SMC2: variants seen among roughly 807,000 people sequenced by gnomAD.
SMC2 encodes structural maintenance of chromosomes 2, also known as structural maintenance of chromosomes protein 2.
In SMC2, 41 loss-of-function variants were observed where a neutral mutation model predicts 142.6. The ratio of observed to expected loss-of-function variants is 0.29; its 90% CI spans 0.22 to 0.37. The LOEUF (loss-of-function observed/expected upper bound fraction) is 0.37. Among genes scored for constraint, SMC2 ranks in the 10% least tolerant of loss-of-function variants. The pLI is 1.00. For synonymous variants in SMC2, 463 were observed against 457.5 expected, an observed-to-expected ratio of 1.01 and a Z score of -0.15; for missense variants, 1,265 against 1,373.7, an observed-to-expected ratio of 0.92 and a Z score of 1.25.
chr9:104,136,001 A>G (rs1306943550), intron 23 of SMC2: 1 of 502,838 alleles, frequency 2.0e-6, no homozygotes, highest in Non-Finnish European at 4.0e-6. Flanking sequence ...AGTTCAGGGA[A>G]GTTTCTCCTG....
rs768040662 is a variant in SMC2, at chr9:104,096,286, G to A, written c.307G>A (p.Val103Ile). The A allele has an allele frequency of 8.1e-6, 13 of 1,613,922 alleles. No individual in the cohort carries two copies. The highest frequency in any genetic ancestry group is 1.7e-5 in the Admixed American group (1 of 59,992). The change falls in exon 3 of 25, where the codon GTA (valine) becomes ATA (isoleucine). Residue 103 changes from valine to isoleucine, a missense_variant. By Grantham distance (29) the Val-to-Ile change is conservative. Coordinates refer to ENST00000374793, the MANE Select transcript of SMC2 (RefSeq NM_006444.3). ...LGFEVHDEIT[V>I]TRQVVIGGRN... ...ATTTGAGGTTCATGATGAAATCACA[G>A]TAACAAGGCAGGTGAGTGGCAATTA... is the stretch of plus-strand genomic sequence containing the variant.
chr9:104,112,261 A>AT, intron 10 of SMC2, among the ~76,000 whole-genome samples: 1 of 152,148 alleles, frequency 6.6e-6, no homozygotes, highest in East Asian at 1.9e-4. Flanking sequence ...CAAACTTTAC[A>AT]TTTTTTTAGG....
the SMC2 span, among the ~76,000 whole-genome samples, chr9:104,088,267 T>G: frequency 6.6e-6 from 1 of 152,172 alleles, no homozygotes; most frequent in Non-Finnish European, 1.5e-5. Context: ...TTTTTTTCTT[T>G]TTTAAACTAT....
At chr9:104,121,613 T>G (rs1833746853) in intron 16 of SMC2, among the ~76,000 whole-genome samples, 1 of 152,196 alleles carries the variant, frequency 6.6e-6, no homozygotes, top group Non-Finnish European at 1.5e-5. Flanking sequence ...CTGAATACAA[T>G]TTAAAAAATC....
chr9:104,112,026 A>G (rs1056238967), intron 10 of SMC2, among the ~76,000 whole-genome samples: 41 of 152,250 alleles, frequency 2.7e-4, no homozygotes, highest in African/African-American at 5.5e-4. Flanking sequence ...AAGATGCTGT[A>G]CTACATAAAT....
Position 104,096,307 on chromosome 9 carries a change from A to G in SMC2, c.318+10A>G. On this transcript the variant is annotated intron_variant, in intron 3 of 24. Transcript: ENST00000374793. ...CACAGTAACAAGGCAGGTGAGTGGC[A>G]ATTAAACCTTTGGGTATCTTAAGAC... 1 of 1,613,238 alleles carries G rather than the reference A, an allele frequency of 6.2e-7. No individual in the cohort carries two copies. The highest frequency in any genetic ancestry group is 1.1e-5 in the South Asian group (1 of 91,014).
intron 8 of SMC2, 28 bp from the exon 9 acceptor site, chr9:104,102,396 T>A (rs1191483364): frequency 1.3e-6 from 2 of 1,570,770 alleles, no homozygotes; most frequent in Non-Finnish European, 1.7e-6. Flanking sequence ...TTTACATAAG[T>A]GATTGAATTG....
At position 104,100,413 on chromosome 9, in the gene SMC2, A is replaced by G. The variant is rs1355581416; in HGVS notation, c.616A>G (p.Thr206Ala). ...KTILEEEITPTIQKLKEERSS... is the reference protein window; with the variant it reads ...KTILEEEITPAIQKLKEERSS... ...GATACTTGAAGAAGAGATTACTCCAACCATTCAAAAATTAAAAGAGGTATA... is the reference window on the plus strand; with the variant it reads ...GATACTTGAAGAAGAGATTACTCCAGCCATTCAAAAATTAAAAGAGGTATA... The change falls in exon 7 of 25, where the codon ACC becomes GCC. Residue 206 changes from threonine (T) to alanine (A), a missense_variant. This residue lies in a region of SMC2 where 898 missense variants were observed against 904.2 expected (regional missense o/e 0.99). Transcript: ENST00000374793. 6.6e-7 allele frequency: 1 copy of G among 1,522,760 alleles called. No individual in the cohort carries two copies. 94.3% of individuals were successfully genotyped at this position (1,522,760 alleles called of 1,614,324 possible).
intron 9 of SMC2, 22 bp downstream of exon 9, chr9:104,102,595 C>A: frequency 6.2e-7 from 1 of 1,606,724 alleles, no homozygotes; most frequent in Non-Finnish European, 8.5e-7. Flanking sequence ...TAATGTGCCA[C>A]TAGTGCCACT....
intron 3 of SMC2, among the ~76,000 whole-genome samples, chr9:104,097,273 GT>G (rs1460884563): frequency 1.3e-5 from 2 of 148,824 alleles, no homozygotes; most frequent in Admixed American, 6.6e-5. Flanking sequence ...ATTTTTTTTT[GT>G]TTTTTGTATT....
chr9:104,131,990 C>A lies in SMC2; in HGVS notation c.2992-19C>A. ...GAGATTTTATATTTTCCCAGTTAAC[C>A]ATGTTTTTTATCTCATAGTACAATG... On this transcript the variant is annotated intron_variant, in intron 21 of 24. Transcript: ENST00000374793. 1.7e-6 allele frequency: 2 copies of A among 1,195,408 alleles called. No individual in the cohort carries two copies. The highest frequency in any genetic ancestry group is 1.4e-5 in the South Asian group (1 of 73,838). The allele number at this position is 1,195,408 out of a possible 1,614,324, so 74.1% of individuals were successfully genotyped here.
chr9:104,105,004 G>A (rs753799282), intron 9 of SMC2, among the ~76,000 whole-genome samples: 1 of 152,210 alleles, frequency 6.6e-6, no homozygotes, highest in Non-Finnish European at 1.5e-5. Flanking sequence ...CTGTATTTGT[G>A]TCTCTGCGAT....
At chr9:104,127,802 AATG>A (rs1452840127) in intron 20 of SMC2, among the ~76,000 whole-genome samples, 1 of 152,212 alleles carries the variant, frequency 6.6e-6, no homozygotes, top group Non-Finnish European at 1.5e-5. Flanking sequence ...TGCTAGTAAT[AATG>A]ATATATATTC....
At position 104,132,031 on chromosome 9, in the gene SMC2, A is replaced by G. The variant is rs1293559509; in HGVS notation, c.3014A>G (p.Lys1005Arg). Residue 1005 changes from lysine to arginine, a missense_variant, in exon 22 of 25, where the codon AAG becomes AGG. Lys to Arg is a conservative substitution (Grantham distance 26). Around this residue, in one of 4 missense-constraint regions of SMC2, gnomAD observed 192 missense variants for 261.9 expected, o/e 0.73. Transcript: ENST00000374793. ...EERYNDLMKK[K>R]RIVENDKSKI... is the part of the protein sequence containing the mutation. ...TAGTACAATGACTTGATGAAGAAGA[A>G]GAGAATTGTAGAAAATGACAAATCC... The G allele has an allele frequency of 1.9e-6, 3 of 1,565,746 alleles. No homozygotes were observed. The highest frequency in any genetic ancestry group is 4.5e-5 in the East Asian group (2 of 44,196).
chr9:104,108,115 C>T (rs1012217034), intron 9 of SMC2, among the ~76,000 whole-genome samples: 1 of 152,178 alleles, frequency 6.6e-6, no homozygotes, highest in Admixed American at 6.5e-5. Context: ...CTACTCACAG[C>T]AGATAAGCAA....
intron 13 of SMC2, among the ~76,000 whole-genome samples, chr9:104,115,595 A>G (rs1251537888): frequency 6.6e-6 from 1 of 151,528 alleles, no homozygotes; most frequent in African/African-American, 2.4e-5. Context: ...AAAAAAAAAA[A>G]GAAAAAAACA....
chr9:104,125,212 CTAAAAGGGAGCAGTGTTCT>C (rs1834129838), intron 18 of SMC2, 107 bp downstream of exon 18: 2 of 790,474 alleles, frequency 2.5e-6, no homozygotes, highest in Non-Finnish European at 4.0e-6. Context: ...ATCTCAGAAT[CTAAAAGGGAGCAGTGTTCT>C]TTGGAAACAA....
At chr9:104,091,087 A>G (rs1195258885), upstream of SMC2, among the ~76,000 whole-genome samples, 1 of 152,212 alleles carries the variant, frequency 6.6e-6, no homozygotes, top group Non-Finnish European at 1.5e-5. Flanking sequence ...CAAGTTTGTC[A>G]AACAGGTTAT....
chr9:104,103,582 C>T (rs59125772), intron 9 of SMC2, among the ~76,000 whole-genome samples: 5,506 of 152,160 alleles, frequency 0.036, 324 homozygotes, highest in African/African-American at 0.13. Flanking sequence ...GTCGCCTTCG[C>T]GAGAACTAGG....
Sources: allele counts gnomAD v4.1 joint callset (sites outside exome capture counted in the v4.1 genomes callset), GRCh38; gene constraint gnomAD v4.1.1; regional missense constraint gnomAD v4.1.1; transcripts MANE v1.5; gene names NCBI Gene and HGNC (gene_info 2026-07-23, HGNC 2026-07-21).